The following UROC1 variants were observed in gnomAD, a reference collection of about 807,000 sequenced individuals.
UROC1 encodes the protein urocanate hydratase 1.
A neutral mutation model predicts 89.5 loss-of-function variants in UROC1; 79 were observed. The observed-to-expected ratio is 0.88, with a 90% CI of 0.74 to 1.06. The LOEUF (loss-of-function observed/expected upper bound fraction) is 1.06. UROC1 is among the 50% of genes least tolerant of loss of function. UROC1 has a pLI of 0.00. For synonymous variants in UROC1, 361 were observed against 354.8 expected, an observed-to-expected ratio of 1.02 and a Z score of -0.20; for missense variants, 885 against 907.8, an observed-to-expected ratio of 0.97 and a Z score of 0.32.
intron 3 of UROC1, among the ~76,000 whole-genome samples, chr3:126,508,961 A>G (rs901737615): frequency 5.9e-5 from 9 of 152,188 alleles, no homozygotes; most frequent in Admixed American, 5.2e-4. Context: ...ACCAGTCATG[A>G]GTGGCTTTTC....
At chr3:126,509,187 G>C (rs1936138153) in intron 3 of UROC1, among the ~76,000 whole-genome samples, 1 of 146,468 alleles carries the variant, frequency 6.8e-6, no homozygotes, top group South Asian at 2.1e-4. Flanking sequence ...AGTGAGCCAA[G>C]ATCAAGCCAC....
chr3:126,488,802 G>A (rs1050111729), intron 17 of UROC1, among the ~76,000 whole-genome samples: 16 of 152,272 alleles, frequency 1.1e-4, no homozygotes, highest in Non-Finnish European at 1.9e-4. Context: ...AGGGACAGGC[G>A]CAGGCCAGCC....
chr3:126,497,980 A>T (rs1321732948), intron 14 of UROC1, 71 bp downstream of exon 14: 7 of 1,611,412 alleles, frequency 4.3e-6, no homozygotes, highest in Middle Eastern at 1.7e-4. Flanking sequence ...CTGCTATAGA[A>T]GCTTGTCTCT....
At chr3:126,503,802 G>A (rs1346497858) in intron 9 of UROC1, among the ~76,000 whole-genome samples, 193 bp downstream of exon 9, 1 of 152,210 alleles carries the variant, frequency 6.6e-6, no homozygotes, top group Non-Finnish European at 1.5e-5. Flanking sequence ...ACCACCCGCG[G>A]GTCAGCCCTT....
chr3:126,502,384 A>T (rs1298040787), intron 9 of UROC1, among the ~76,000 whole-genome samples: 4 of 150,340 alleles, frequency 2.7e-5, no homozygotes, highest in Admixed American at 2.6e-4. Context: ...ACATGTGTTT[A>T]CATGTGTTTA....
At chr3:126,509,826 A>AG (rs1936156995) in intron 2 of UROC1, 148 bp from the exon 3 acceptor site, 1 of 795,438 alleles carries the variant, frequency 1.3e-6, no homozygotes, top group African/African-American at 1.7e-5. Flanking sequence ...GGGGCTCCAG[A>AG]GCCACTAGGG....
chr3:126,489,939 T>C (rs902856096), intron 16 of UROC1, among the ~76,000 whole-genome samples: 9 of 152,210 alleles, frequency 5.9e-5, no homozygotes, highest in Non-Finnish European at 1.0e-4. Flanking sequence ...GAGTGTCCAC[T>C]TAGTCTGGGC....
chr3:126,484,019 G>A (rs541907208), intron 18 of UROC1, among the ~76,000 whole-genome samples: 1 of 152,164 alleles, frequency 6.6e-6, no homozygotes, highest in South Asian at 2.1e-4. Context: ...GCCCCCACCT[G>A]ATTTTATCCT....
At chr3:126,502,692 TTA>T (rs1935961712) in intron 9 of UROC1, among the ~76,000 whole-genome samples, 1 of 151,340 alleles carries the variant, frequency 6.6e-6, no homozygotes, top group Non-Finnish European at 1.5e-5. Flanking sequence ...GTGTGTCTGT[TTA>T]TGTGTGTGTC....
intron 13 of UROC1, among the ~76,000 whole-genome samples, chr3:126,498,658 C>A (rs1283049729): frequency 6.6e-6 from 1 of 152,086 alleles, no homozygotes; most frequent in African/African-American, 2.4e-5. Context: ...TCCTCCTGGG[C>A]AGCCCTCCCT....
intron 1 of UROC1, among the ~76,000 whole-genome samples, chr3:126,511,484 G>C (rs879776896): frequency 3.3e-5 from 5 of 152,234 alleles, no homozygotes; most frequent in Admixed American, 6.5e-5. Flanking sequence ...TCTAAAGGCA[G>C]TGCCAGCCGC....
rs762077369 is a variant in UROC1, at chr3:126,508,451, C to T, written c.376G>A (p.Gly126Arg). ...AQFPQELVTY[G>R]GNGQVFSNWA... ...TTGCTGAACACCTGCCCATTTCCTC[C>T]ATAGGTCACCAGCTCCTGGGGAAAC... The change falls in exon 4 of 20, where the codon GGA becomes AGA. Residue 126 changes from glycine to arginine, a missense_variant. Physicochemically the swap from Gly to Arg is moderately radical, Grantham distance 125 (BLOSUM62 -2). Transcript: ENST00000290868. 6.2e-7 allele frequency: 1 copy of T among 1,613,852 alleles called. No homozygotes were observed. The highest frequency in any genetic ancestry group is 1.7e-5 in the Admixed American group (1 of 59,992).
At chr3:126,494,894 G>T (rs1935743292) in intron 15 of UROC1, among the ~76,000 whole-genome samples, 1 of 144,168 alleles carries the variant, frequency 6.9e-6, no homozygotes, top group South Asian at 2.5e-4. Flanking sequence ...TCATCTGTTA[G>T]CTCAGCCTCA....
chr3:126,509,714 C>T (rs1936154561), intron 2 of UROC1, 36 bp from the exon 3 acceptor site: 1 of 1,539,848 alleles, frequency 6.5e-7, no homozygotes, highest in African/African-American at 1.4e-5. Flanking sequence ...GCTGCCCTTC[C>T]CGCCAAAGCA....
intron 16 of UROC1, among the ~76,000 whole-genome samples, chr3:126,492,211 A>C (rs955913579): frequency 1.3e-5 from 2 of 152,160 alleles, no homozygotes; most frequent in African/African-American, 4.8e-5. Flanking sequence ...AAGAGGGGGA[A>C]GTTTGGGCCT....
Position 126,500,870 on chromosome 3 carries a change from G to A in UROC1, c.970C>T (p.Arg324Cys), listed in dbSNP as rs377309471. The change falls in exon 11 of 20, where the codon CGC becomes TGC. Residue 324 changes from arginine (R) to cysteine (C), a missense_variant. Physicochemically the swap from Arg to Cys is radical, Grantham distance 180 (BLOSUM62 -3). Coordinates refer to ENST00000290868, the MANE Select transcript of UROC1 (RefSeq NM_144639.3). ...YHGNVVALWE[R>C]LVHELDTTGE... ...GTCGTGTCCAATTCGTGGACCAGGC[G>A]CTCCCTGGGGAAGCCATGCGGTGGT... The A allele has an allele frequency of 3.3e-5, 54 of 1,613,480 alleles. No homozygotes were observed. The Middle Eastern group carries it at 2.0e-3, about 59-fold the overall frequency.
intron 17 of UROC1, 59 bp downstream of exon 17, chr3:126,489,217 C>T: frequency 3.3e-6 from 5 of 1,495,174 alleles, no homozygotes; most frequent in Non-Finnish European, 4.7e-6. Flanking sequence ...CTAAATGCAT[C>T]AATTTTTAAT....
intron 19 of UROC1, among the ~76,000 whole-genome samples, chr3:126,482,890 C>T (rs1935421334): frequency 6.6e-6 from 1 of 152,070 alleles, no homozygotes; most frequent in Non-Finnish European, 1.5e-5. Context: ...TTCTTGCCAC[C>T]CCCGCCTCCG....
intron 9 of UROC1, 172 bp from the exon 10 acceptor site, chr3:126,501,452 C>T (rs1295307232): frequency 1.3e-6 from 1 of 760,908 alleles, no homozygotes; most frequent in African/African-American, 1.8e-5. Flanking sequence ...AGGACCCCGA[C>T]TTTTGTCCAG....
Sources: allele counts gnomAD v4.1 joint callset (sites outside exome capture counted in the v4.1 genomes callset), GRCh38; gene constraint gnomAD v4.1.1; transcripts MANE v1.5; gene names NCBI Gene and HGNC (gene_info 2026-07-23, HGNC 2026-07-21).